Variants in IMMP2L observed in about 807,000 individuals in gnomAD.
The protein encoded by IMMP2L is mitochondrial inner membrane protease subunit 2.
A neutral mutation model predicts 19.3 loss-of-function variants in IMMP2L; 18 were observed. That is an observed-to-expected ratio of 0.93 (90% CI 0.64 to 1.38). IMMP2L has a LOEUF of 1.38. Among genes scored for constraint, IMMP2L ranks in the 40% most tolerant of loss-of-function variants. IMMP2L has a pLI of 0.00. For synonymous variants in IMMP2L, 76 were observed against 73.0 expected, an observed-to-expected ratio of 1.04 and a Z score of -0.21; for missense variants, 233 against 218.2, an observed-to-expected ratio of 1.07 and a Z score of -0.43.
chr7:111,558,061 A>G (rs960501980), intron 1 of IMMP2L, among the ~76,000 whole-genome samples: 2 of 152,190 alleles, frequency 1.3e-5, no homozygotes, highest in African/African-American at 4.8e-5. Context: ...AAAGAAAAAA[A>G]CTTATTATTG....
intron 3 of IMMP2L, among the ~76,000 whole-genome samples, chr7:111,135,414 G>T (rs1413334968): frequency 6.6e-6 from 1 of 152,140 alleles, no homozygotes; most frequent in Non-Finnish European, 1.5e-5. Context: ...CAATCCCACT[G>T]AGTCTTTCCA....
intron 3 of IMMP2L, among the ~76,000 whole-genome samples, chr7:111,097,840 A>G (rs1203618524): frequency 6.6e-6 from 1 of 151,940 alleles, no homozygotes; most frequent in African/African-American, 2.4e-5. Flanking sequence ...TGAAATTTCA[A>G]TAGTTGCAGG....
intron 3 of IMMP2L, among the ~76,000 whole-genome samples, chr7:111,308,541 A>G (rs544319212): frequency 2.0e-5 from 3 of 152,088 alleles, no homozygotes; most frequent in East Asian, 3.9e-4. Flanking sequence ...GCAGAAAAAT[A>G]TTATAAAATT....
intron 3 of IMMP2L, among the ~76,000 whole-genome samples, chr7:111,423,774 C>G (rs1409073312): frequency 6.6e-6 from 1 of 151,686 alleles, no homozygotes; most frequent in Admixed American, 6.6e-5. Flanking sequence ...CAAACAAATT[C>G]AAAAGCCAGC....
At chr7:110,867,483 GA>G (rs1808093479) in intron 5 of IMMP2L, among the ~76,000 whole-genome samples, 1 of 152,004 alleles carries the variant, frequency 6.6e-6, no homozygotes, top group Non-Finnish European at 1.5e-5. Context: ...TAAAATGTAT[GA>G]GCAAGAAAGT....
At chr7:111,135,607 A>G (rs774824945) in intron 3 of IMMP2L, among the ~76,000 whole-genome samples, 3 of 152,220 alleles carry the variant, frequency 2.0e-5, no homozygotes, top group Non-Finnish European at 4.4e-5. Flanking sequence ...CAACATTACC[A>G]TCATGATGCC....
At chr7:110,938,713 C>G (rs563459010) in intron 4 of IMMP2L, among the ~76,000 whole-genome samples, 1 of 152,008 alleles carries the variant, frequency 6.6e-6, no homozygotes, top group Admixed American at 6.6e-5. Flanking sequence ...CAAAACTGCA[C>G]TTTTACCCCC....
intron 3 of IMMP2L, among the ~76,000 whole-genome samples, chr7:111,055,074 AG>A (rs1220012992): frequency 6.7e-6 from 1 of 148,208 alleles, no homozygotes; most frequent in Non-Finnish European, 1.5e-5. Flanking sequence ...TCCCAGAAAC[AG>A]GGTGCCACTC....
intron 3 of IMMP2L, among the ~76,000 whole-genome samples, chr7:111,445,317 C>T (rs1319417088): frequency 2.0e-5 from 3 of 151,824 alleles, no homozygotes; most frequent in African/African-American, 7.3e-5. Flanking sequence ...TAAGTGAGGA[C>T]CAGCTCCCCA....
rs146476643 is a variant in IMMP2L, at chr7:111,272,020, T to A, written c.239+215218A>T. Among the ~76,000 whole-genome samples the A allele has an allele frequency of 4.6e-5, 7 of 152,212 alleles. No individual in the cohort carries two copies. The East Asian group carries it at 1.4e-3, about 29-fold the overall frequency. ...TAATCAGATAAATACAAACACTCCA[T>A]TTCTACTTTTTCCCCACCCGATCTG... On this transcript the variant is annotated intron_variant, in intron 3 of 5. Coordinates refer to ENST00000405709, the MANE Select transcript of IMMP2L (RefSeq NM_032549.4).
At chr7:111,282,929 G>A (rs996127341) in intron 3 of IMMP2L, among the ~76,000 whole-genome samples, 1 of 151,996 alleles carries the variant, frequency 6.6e-6, no homozygotes, top group African/African-American at 2.4e-5. Context: ...CTAGACAGAA[G>A]ATCAACAAGG....
At chr7:111,157,266 T>A (rs984050291) in intron 3 of IMMP2L, among the ~76,000 whole-genome samples, 1 of 152,042 alleles carries the variant, frequency 6.6e-6, no homozygotes, top group Admixed American at 6.6e-5. Flanking sequence ...CAAAGAGATA[T>A]CTGTATTCCC....
At chr7:110,849,280 T>G (rs2131513373) in intron 5 of IMMP2L, among the ~76,000 whole-genome samples, 1 of 152,262 alleles carries the variant, frequency 6.6e-6, no homozygotes, top group Admixed American at 6.5e-5. Flanking sequence ...TGTACATATC[T>G]ATCTGATTTT....
At chr7:111,147,720 G>C (rs544262092) in intron 3 of IMMP2L, among the ~76,000 whole-genome samples, 1 of 152,150 alleles carries the variant, frequency 6.6e-6, no homozygotes, top group African/African-American at 2.4e-5. Flanking sequence ...TGCGAGGCAG[G>C]AGCGACCACT....
intron 5 of IMMP2L, among the ~76,000 whole-genome samples, chr7:110,785,765 T>C (rs1489133086): frequency 2.6e-5 from 4 of 151,968 alleles, no homozygotes; most frequent in African/African-American, 7.2e-5. Flanking sequence ...TATCATCATA[T>C]AATTATTACA....
chr7:110,742,480 T>C (rs1797048741), intron 5 of IMMP2L, among the ~76,000 whole-genome samples: 1 of 152,070 alleles, frequency 6.6e-6, no homozygotes, highest in Admixed American at 6.6e-5. Context: ...AAAATTATAC[T>C]TTCAACCGCT....
rs569989931 is a variant in IMMP2L, at chr7:111,423,104, G to A, written c.239+64134C>T. Among the ~76,000 whole-genome samples, 13 of 151,944 alleles carry A rather than the reference G, an allele frequency of 8.6e-5. 1 individual carries two copies. Among genetic ancestry groups the A allele is most frequent in the African/African-American group, 3.2e-4 (13 of 41,256 alleles). ...TGGTGGATAAGCTTCTTGATGTGCTGCTGGATTTGGTTTGCCAGTATTTTA... is the reference window on the plus strand; with the variant it reads ...TGGTGGATAAGCTTCTTGATGTGCTACTGGATTTGGTTTGCCAGTATTTTA... On this transcript the variant is annotated intron_variant, in intron 3 of 5. Coordinates refer to ENST00000405709, the MANE Select transcript of IMMP2L (RefSeq NM_032549.4).
At chr7:110,823,095 A>T (rs564273290) in intron 5 of IMMP2L, among the ~76,000 whole-genome samples, 1 of 152,204 alleles carries the variant, frequency 6.6e-6, no homozygotes, top group African/African-American at 2.4e-5. Context: ...AGATTTGAAC[A>T]ATGTTTATGA....
At chr7:111,280,997 T>G (rs1313981402) in intron 3 of IMMP2L, among the ~76,000 whole-genome samples, 2 of 150,210 alleles carry the variant, frequency 1.3e-5, no homozygotes, top group African/African-American at 2.5e-5. Flanking sequence ...GTGAACCCAG[T>G]AGGCAGAGCT....
Sources: gnomAD v4.1 joint callset for allele counts (sites outside exome capture counted in the v4.1 genomes callset) on GRCh38, gnomAD v4.1.1 for gene constraint, MANE v1.5 for transcripts, NCBI Gene and HGNC (gene_info 2026-07-23, HGNC 2026-07-21) for gene names.